TTC7B: variants seen among roughly 807,000 people sequenced by gnomAD.
The protein encoded by TTC7B is tetratricopeptide repeat domain 7B, also known as tetratricopeptide repeat protein 7B.
Under a neutral mutation model 106.8 loss-of-function variants are expected in TTC7B, and 28 were observed. The ratio of observed to expected loss-of-function variants is 0.26; its 90% confidence interval spans 0.19 to 0.36. TTC7B has a LOEUF of 0.36. Among genes scored for constraint, TTC7B ranks in the 10% least tolerant of loss-of-function variants. The pLI is 1.00. For missense variants in TTC7B, 862 were observed against 1,076.4 expected (o/e 0.80, Z 2.79); for synonymous variants, 405 against 430.6 (o/e 0.94, Z 0.74).
chr14:90,562,407 C>T (rs1439163595), intron 19 of TTC7B, among the ~76,000 whole-genome samples: 4 of 152,218 alleles, frequency 2.6e-5, no homozygotes. Context: ...TGAGTCCAGA[C>T]CTTAGTGTCT....
intron 9 of TTC7B, among the ~76,000 whole-genome samples, chr14:90,667,099 A>G (rs565524804): frequency 6.6e-6 from 1 of 152,318 alleles, no homozygotes; most frequent in East Asian, 1.9e-4. Context: ...GGCTTGGGGC[A>G]CTGGGTTTTA....
intron 7 of TTC7B, among the ~76,000 whole-genome samples, chr14:90,684,310 G>T (rs948616339): frequency 3.9e-5 from 6 of 152,032 alleles, no homozygotes; most frequent in African/African-American, 1.5e-4. Context: ...TACCTCAACT[G>T]CTTCTTACAA....
In TTC7B at chr14:90,542,084, C is replaced by T. The variant is rs184292443; in HGVS notation, c.2311-495G>A. Among the ~76,000 whole-genome samples the T allele has an allele frequency of 2.0e-3, 305 of 152,224 alleles. 1 individual carries two copies. Among genetic ancestry groups the T allele is most frequent in the African/African-American group, 6.9e-3 (288 of 41,550 alleles). On this transcript the variant is annotated intron_variant, in intron 19 of 19. Coordinates refer to ENST00000328459, the MANE Select transcript of TTC7B (RefSeq NM_001010854.2). ...CCTCCCCAGTAGCTGGGACTACAGGCGCCCGCCACCACGCCCGGCTAATTT... is the reference window on the plus strand; with the variant it reads ...CCTCCCCAGTAGCTGGGACTACAGGTGCCCGCCACCACGCCCGGCTAATTT...
At position 90,618,018 on chromosome 14, in the gene TTC7B, C is replaced by T. The variant is rs779076587; in HGVS notation, c.1779G>A (p.Gln593=). The T allele has an allele frequency of 1.2e-6, 2 of 1,613,638 alleles. No individual in the cohort carries two copies. Among genetic ancestry groups the T allele is most frequent in the Non-Finnish European group, 1.7e-6 (2 of 1,179,614 alleles). Residue 593 remains glutamine (Q), a synonymous_variant, in exon 16 of 20, where the codon CAG becomes CAA. Transcript: ENST00000328459. ...FILLFSKVKL[Q]SLCRGPDEAL... is the part of the protein sequence containing the mutation. ...CCTCGTCCGGGCCTCGGCAGAGTGA[C>T]TGCAACTTCACTTTGGAAAACAGTA... is the stretch of plus-strand genomic sequence containing the variant.
At chr14:90,636,096 G>A (rs967571061) in intron 15 of TTC7B, among the ~76,000 whole-genome samples, 1 of 151,364 alleles carries the variant, frequency 6.6e-6, no homozygotes, top group Non-Finnish European at 1.5e-5. Context: ...ACTACAGCCT[G>A]GGCAACAGAG....
chr14:90,571,148 G>A (rs559961862), intron 19 of TTC7B, among the ~76,000 whole-genome samples: 62 of 152,300 alleles, frequency 4.1e-4, no homozygotes, highest in African/African-American at 1.4e-3. Context: ...GAGAGCACAC[G>A]CAGCAGACAC....
At chr14:90,633,268 C>A (rs536484844) in intron 15 of TTC7B, among the ~76,000 whole-genome samples, 19 of 152,280 alleles carry the variant, frequency 1.2e-4, no homozygotes, top group African/African-American at 3.9e-4. Flanking sequence ...GATTTGATAA[C>A]CTCTCTGGGA....
At chr14:90,806,350 G>A (rs764986768) in intron 1 of TTC7B, among the ~76,000 whole-genome samples, 18 of 152,312 alleles carry the variant, frequency 1.2e-4, no homozygotes, top group South Asian at 6.2e-4. Flanking sequence ...AGCCAACACC[G>A]CGCTGCTTCA....
chr14:90,609,687 G>A (rs890392203), intron 17 of TTC7B, among the ~76,000 whole-genome samples: 30 of 152,272 alleles, frequency 2.0e-4, no homozygotes, highest in African/African-American at 6.3e-4. Context: ...AGTTGTACAC[G>A]GTCCCCTGTG....
At chr14:90,809,487 C>G (rs1013064310) in intron 1 of TTC7B, among the ~76,000 whole-genome samples, 1 of 152,252 alleles carries the variant, frequency 6.6e-6, no homozygotes. Flanking sequence ...AGCTGGAAGA[C>G]AGCGGTGGAG....
chr14:90,749,695 G>A (rs1234840258), intron 3 of TTC7B, among the ~76,000 whole-genome samples: 5 of 151,312 alleles, frequency 3.3e-5, no homozygotes, highest in East Asian at 1.9e-4. Flanking sequence ...ATGAGCCACC[G>A]CACCTGGCCA....
intron 9 of TTC7B, among the ~76,000 whole-genome samples, chr14:90,668,739 G>T (rs920970248): frequency 6.6e-6 from 1 of 151,594 alleles, no homozygotes; most frequent in East Asian, 1.9e-4. Flanking sequence ...TATCACACAG[G>T]TCTGATGTTA....
At chr14:90,543,752 T>G (rs77502861) in intron 19 of TTC7B, among the ~76,000 whole-genome samples, 90 of 152,336 alleles carry the variant, frequency 5.9e-4, no homozygotes, top group African/African-American at 2.2e-3. Flanking sequence ...GGCCCTCTGC[T>G]CTTTCAAATC....
chr14:90,795,065 A>G (rs1038331807), intron 1 of TTC7B, among the ~76,000 whole-genome samples: 2 of 152,242 alleles, frequency 1.3e-5, no homozygotes, highest in Admixed American at 6.6e-5. Flanking sequence ...GACAAGAGGG[A>G]AAAAAGGCAC....
rs117144782 is a variant in TTC7B at position 90,529,082 on chromosome 14, G to A, written c.*12286C>T. ...GTTTCCAATGGTGTGACCTGACTGCGCTTTGTTACCTGTTTCCGATGGTGT... is the reference window on the plus strand; with the variant it reads ...GTTTCCAATGGTGTGACCTGACTGCACTTTGTTACCTGTTTCCGATGGTGT... On this transcript the variant is annotated 3_prime_UTR_variant, in exon 20 of 20. Transcript: ENST00000328459. 513 of 151,142 alleles carry A rather than the reference G, an allele frequency of 3.4e-3. 2 individuals are homozygous for A. Among genetic ancestry groups the A allele is most frequent in the South Asian group, 7.4e-3 (36 of 4,850 alleles). 9.4% of individuals were successfully genotyped at this position (151,142 alleles called of 1,614,324 possible). A position where few individuals can be genotyped will look rare whatever the true frequency, so the allele number is the denominator to read the frequency against.
At chr14:90,735,037 G>C (rs1049974087) in intron 4 of TTC7B, among the ~76,000 whole-genome samples, 2 of 152,062 alleles carry the variant, frequency 1.3e-5, no homozygotes, top group African/African-American at 4.8e-5. Flanking sequence ...ACCTGCCTCG[G>C]CCTCCCAAAG....
At chr14:90,594,657 T>C (rs770493547) in intron 17 of TTC7B, among the ~76,000 whole-genome samples, 6 of 152,076 alleles carry the variant, frequency 3.9e-5, no homozygotes, top group South Asian at 2.1e-4. Flanking sequence ...ACATTGAGAG[T>C]GGTAACTACC....
At chr14:90,597,883 A>C (rs1290954032) in intron 17 of TTC7B, among the ~76,000 whole-genome samples, 1 of 152,210 alleles carries the variant, frequency 6.6e-6, no homozygotes, top group Non-Finnish European at 1.5e-5. Flanking sequence ...CTATTAACTT[A>C]AGGTGGAAAT....
intron 6 of TTC7B, among the ~76,000 whole-genome samples, chr14:90,691,978 T>G (rs1348273759): frequency 2.0e-5 from 3 of 152,242 alleles, no homozygotes; most frequent in African/African-American, 7.2e-5. Context: ...GGTCTTTTTG[T>G]GACCAGCTTC....
Sources: gnomAD v4.1 joint callset for allele counts (sites outside exome capture counted in the v4.1 genomes callset) on GRCh38, gnomAD v4.1.1 for gene constraint, MANE v1.5 for transcripts, NCBI Gene and HGNC (gene_info 2026-07-23, HGNC 2026-07-21) for gene names.